CAB39L: variants seen among roughly 807,000 people sequenced by gnomAD.
CAB39L encodes the protein calcium-binding protein 39-like.
CAB39L carries 23 observed loss-of-function variants against 39.1 expected under a neutral mutation model. The ratio of observed to expected loss-of-function variants is 0.59; its 90% CI spans 0.42 to 0.83. CAB39L has a LOEUF of 0.83. Among genes scored for constraint, CAB39L ranks in the 40% least tolerant of loss-of-function variants. CAB39L has a pLI of 0.00. For missense variants in CAB39L, 366 were observed against 391.9 expected, an observed-to-expected ratio of 0.93 and a Z score of 0.56; for synonymous variants, 126 against 137.2, an observed-to-expected ratio of 0.92 and a Z score of 0.57.
intron 5 of CAB39L, among the ~76,000 whole-genome samples, chr13:49,375,604 C>T (rs972071854): frequency 3.3e-5 from 5 of 151,746 alleles, no homozygotes; most frequent in African/African-American, 9.7e-5. Context: ...AATGAGAACA[C>T]TGGGACACAG....
intron 3 of CAB39L, among the ~76,000 whole-genome samples, chr13:49,394,443 T>C (rs1181768917): frequency 6.6e-6 from 1 of 152,108 alleles, no homozygotes; most frequent in Non-Finnish European, 1.5e-5. Context: ...GGTGCAGATA[T>C]AAATTAGACA....
chr13:49,362,039 C>G (rs1183332254), intron 5 of CAB39L, among the ~76,000 whole-genome samples: 1 of 151,308 alleles, frequency 6.6e-6, no homozygotes, highest in Non-Finnish European at 1.5e-5. Context: ...ATACAACCAC[C>G]TTATAATATA....
At chr13:49,371,111 C>T (rs9783555) in intron 5 of CAB39L, among the ~76,000 whole-genome samples, 7,708 of 151,372 alleles carry the variant, frequency 0.051, 444 homozygotes, top group African/African-American at 0.12. Context: ...TATTTTAAGG[C>T]TTTATGATTT....
intron 3 of CAB39L, among the ~76,000 whole-genome samples, chr13:49,424,538 G>C (rs1311818273): frequency 6.6e-6 from 1 of 152,116 alleles, no homozygotes; most frequent in Non-Finnish European, 1.5e-5. Flanking sequence ...AAGACAATTT[G>C]AACAAAGTAT....
At chr13:49,380,090 C>G (rs1319221742) in intron 4 of CAB39L, among the ~76,000 whole-genome samples, 1 of 152,194 alleles carries the variant, frequency 6.6e-6, no homozygotes, top group South Asian at 2.1e-4. Flanking sequence ...TCGCCCACCT[C>G]AGCCTCCCAA....
intron 3 of CAB39L, among the ~76,000 whole-genome samples, chr13:49,395,087 TTC>T (rs1956578020): frequency 1.3e-5 from 2 of 152,332 alleles, no homozygotes; most frequent in East Asian, 1.9e-4. Context: ...TCTTCAAATG[TTC>T]TGTTTTTTCC....
intron 5 of CAB39L, among the ~76,000 whole-genome samples, chr13:49,375,858 G>C (rs887653541): frequency 8.6e-5 from 13 of 151,372 alleles, no homozygotes; most frequent in African/African-American, 2.9e-4. Context: ...GGCAGAGAAA[G>C]AGATAGAATA....
At chr13:49,315,884 C>CAAA (rs60700916) in intron 10 of CAB39L, among the ~76,000 whole-genome samples, 2 of 120,292 alleles carry the variant, frequency 1.7e-5, no homozygotes, top group Non-Finnish European at 3.3e-5. Flanking sequence ...GTCTCCATCT[C>CAAA]AAAAAAAAAA....
intron 10 of CAB39L, among the ~76,000 whole-genome samples, chr13:49,327,657 T>C (rs1020006721): frequency 2.6e-5 from 4 of 152,248 alleles, no homozygotes; most frequent in Non-Finnish European, 1.5e-5. Context: ...CACTTAGTGT[T>C]CTTTTGCATG....
In CAB39L at chr13:49,380,003, G is replaced by A. The variant is rs141834668; in HGVS notation, c.111+2797C>T. Among the ~76,000 whole-genome samples the A allele has an allele frequency of 3.7e-3, 557 of 151,900 alleles. 2 individuals are homozygous for A. Among genetic ancestry groups the A allele is most frequent in the African/African-American group, 0.013 (529 of 41,424 alleles). The stretch of plus-strand genomic sequence containing the variant: ...ACTACAAGCACCCGCCACCACGCCC[G>A]GCTAATTTTTATACTTTTAGTAGAG... On this transcript the variant is annotated intron_variant, in intron 4 of 10. Transcript: ENST00000409308.
chr13:49,399,957 C>T (rs577078650), intron 3 of CAB39L, among the ~76,000 whole-genome samples: 1 of 151,726 alleles, frequency 6.6e-6, no homozygotes, highest in African/African-American at 2.4e-5. Context: ...CATAGGTCAA[C>T]AGTCTAAAAA....
intron 10 of CAB39L, among the ~76,000 whole-genome samples, chr13:49,321,999 C>T (rs1287409262): frequency 1.3e-5 from 2 of 152,144 alleles, no homozygotes; most frequent in Non-Finnish European, 2.9e-5. Context: ...TATTAAAATT[C>T]AGACTATATA....
At chr13:49,374,256 A>T (rs1955998550) in intron 5 of CAB39L, among the ~76,000 whole-genome samples, 1 of 152,186 alleles carries the variant, frequency 6.6e-6, no homozygotes, top group South Asian at 2.1e-4. Context: ...TCTTCATAAT[A>T]GTTTTGAATC....
At chr13:49,385,001 A>C (rs1170121771) in intron 3 of CAB39L, among the ~76,000 whole-genome samples, 8 of 152,194 alleles carry the variant, frequency 5.3e-5, no homozygotes. Context: ...TTAGCTCCTA[A>C]CTAGAGAGTC....
chr13:49,433,389 A>G lies in CAB39L; in HGVS notation c.-103T>C, dbSNP rs545349301. 533 of 452,692 alleles carry G rather than the reference A, an allele frequency of 1.2e-3. 2 individuals are homozygous for G. Among genetic ancestry groups the G allele is most frequent in the Middle Eastern group, 7.6e-3 (23 of 3,044 alleles). 28.0% of individuals were successfully genotyped at this position (452,692 alleles called of 1,614,324 possible). A position where few individuals can be genotyped will look rare whatever the true frequency, so the allele number is the denominator to read the frequency against. ...TTTCACCAAAGTCACTGATCACCACAGCTTCTGACAAAAAGAAAAGCTTTA... is the reference window on the plus strand; with the variant it reads ...TTTCACCAAAGTCACTGATCACCACGGCTTCTGACAAAAAGAAAAGCTTTA... On this transcript the variant is annotated 5_prime_UTR_variant, in exon 3 of 11. Transcript: ENST00000409308.
intron 9 of CAB39L, among the ~76,000 whole-genome samples, chr13:49,338,150 G>A (rs992593003): frequency 2.0e-5 from 3 of 151,950 alleles, no homozygotes; most frequent in Non-Finnish European, 2.9e-5. Context: ...GCAAAATTTC[G>A]GTATATACCC....
chr13:49,346,769 C>G (rs1320189652), intron 7 of CAB39L, among the ~76,000 whole-genome samples: 1 of 152,038 alleles, frequency 6.6e-6, no homozygotes, highest in Non-Finnish European at 1.5e-5. Flanking sequence ...AAATAAAACT[C>G]AAAGGTTAAC....
Position 49,344,231 on chromosome 13 carries a change from AG to A in CAB39L, c.571del (p.Leu191Ter), listed in dbSNP as rs755103254. ...TGCTACCAACACTTTATGTCTGGTT[AG>A]TAAATCCTAGAAAAAGAAAAACCAA... ...SDAFATFKDLLTRHKVLVADF... is the reference protein window; with the variant it reads ...SDAFATFKDLXTRHKVLVADF... On this transcript the variant is annotated frameshift_variant, in exon 8 of 11. Coordinates refer to ENST00000409308, the MANE Select transcript of CAB39L (RefSeq NM_001079670.3). LOFTEE classifies it high-confidence loss of function. 1.0e-5 allele frequency: 16 copies of A among 1,587,678 alleles called. No individual in the cohort carries two copies. The highest frequency in any genetic ancestry group is 1.4e-5 in the Non-Finnish European group (16 of 1,156,914).
intron 9 of CAB39L, 41 bp downstream of exon 9, chr13:49,339,636 T>C (rs1169252165): frequency 1.3e-6 from 2 of 1,512,018 alleles, no homozygotes; most frequent in Non-Finnish European, 1.8e-6. Context: ...TAATGAGATA[T>C]AAACTTACGG....
Sources: allele counts gnomAD v4.1 joint callset (sites outside exome capture counted in the v4.1 genomes callset), GRCh38; gene constraint gnomAD v4.1.1; transcripts MANE v1.5; gene names NCBI Gene and HGNC (gene_info 2026-07-23, HGNC 2026-07-21).